The following MARCHF7 variants were observed in gnomAD, a reference collection of about 807,000 sequenced individuals.
The protein encoded by MARCHF7 is membrane associated ring-CH-type finger 7, also known as E3 ubiquitin-protein ligase MARCHF7.
A neutral mutation model predicts 76.5 loss-of-function variants in MARCHF7; 20 were observed. The observed-to-expected ratio is 0.26, with a 90% CI of 0.18 to 0.38. MARCHF7 has a LOEUF of 0.38. Ranked by LOEUF, MARCHF7 falls within the 10% of genes least tolerant of loss-of-function variation. The probability of loss-of-function intolerance (pLI) is 1.00; values close to 1 mark genes in which losing one functional copy is unlikely to be tolerated. For missense variants in MARCHF7, 797 were observed against 812.9 expected, an observed-to-expected ratio of 0.98 and a Z score of 0.24; for synonymous variants, 295 against 293.0, an observed-to-expected ratio of 1.01 and a Z score of -0.07.
At chr2:159,725,720 T>A (rs936757419) in intron 3 of MARCHF7, among the ~76,000 whole-genome samples, 2 of 152,198 alleles carry the variant, frequency 1.3e-5, no homozygotes, top group African/African-American at 4.8e-5. Flanking sequence ...TTATTGTTGT[T>A]TACTTTGGTC....
At chr2:159,745,053 C>T (rs1410348654) in intron 5 of MARCHF7, among the ~76,000 whole-genome samples, 2 of 152,246 alleles carry the variant, frequency 1.3e-5, no homozygotes, top group East Asian at 1.9e-4. Flanking sequence ...CTTCCCTTTC[C>T]GGATGCCTTT....
At chr2:159,731,773 C>G (rs936065522) in intron 4 of MARCHF7, among the ~76,000 whole-genome samples, 2 of 150,954 alleles carry the variant, frequency 1.3e-5, no homozygotes, top group Admixed American at 1.3e-4. Context: ...AATTCCATTT[C>G]TTATTATGTT....
Position 159,748,429 on chromosome 2 carries a change from G to A in MARCHF7, c.1139G>A (p.Arg380Lys). 1 of 1,614,154 alleles carries A rather than the reference G, an allele frequency of 6.2e-7. No homozygotes were observed. Among genetic ancestry groups the A allele is most frequent in the Non-Finnish European group, 8.5e-7 (1 of 1,180,032 alleles). Residue 380 changes from arginine (R) to lysine (K), a missense_variant, in exon 7 of 12, where the codon AGA (arginine) becomes AAA (lysine). This residue lies in a region of MARCHF7 where 643 missense variants were observed against 631.5 expected (regional missense o/e 1.02). Transcript: ENST00000409175. ...SENFNQESEGRNTGPWLSSSL... is the reference protein window; with the variant it reads ...SENFNQESEGKNTGPWLSSSL... ...AATTTTAACCAAGAATCTGAAGGTA[G>A]AAATACAGGACCATGGTTATCTTCC...
At chr2:159,734,469 A>G (rs1703213106) in intron 4 of MARCHF7, among the ~76,000 whole-genome samples, 1 of 152,198 alleles carries the variant, frequency 6.6e-6, no homozygotes, top group Non-Finnish European at 1.5e-5. Flanking sequence ...TGCATATACA[A>G]TTAAACAAGA....
intron 3 of MARCHF7, among the ~76,000 whole-genome samples, chr2:159,727,296 AGCTTTTTAAG>A (rs1394248005): frequency 5.9e-5 from 9 of 152,352 alleles, no homozygotes; most frequent in Admixed American, 2.0e-4. Context: ...ATATTTTAAA[AGCTTTTTAAG>A]GCTGGGCACG....
chr2:159,720,865 C>T (rs1035656769), intron 3 of MARCHF7, among the ~76,000 whole-genome samples: 7 of 152,020 alleles, frequency 4.6e-5, no homozygotes, highest in South Asian at 2.1e-4. Flanking sequence ...TAACTCTTTC[C>T]GCAACCGCTC....
At chr2:159,726,738 A>G (rs192838682) in intron 3 of MARCHF7, among the ~76,000 whole-genome samples, 38 of 152,272 alleles carry the variant, frequency 2.5e-4, no homozygotes, top group African/African-American at 8.7e-4. Flanking sequence ...CATCACTATC[A>G]TCTATCTCCA....
intron 3 of MARCHF7, among the ~76,000 whole-genome samples, chr2:159,725,384 G>A (rs1189125417): frequency 6.6e-6 from 1 of 152,210 alleles, no homozygotes. Flanking sequence ...TCTAACTGGT[G>A]TGAGATGGTG....
chr2:159,718,104 T>C (rs1449875944), intron 3 of MARCHF7, among the ~76,000 whole-genome samples: 1 of 152,214 alleles, frequency 6.6e-6, no homozygotes, highest in Non-Finnish European at 1.5e-5. Context: ...AATATACCTG[T>C]GAAGTTGATA....
chr2:159,752,776 C>T (rs1287290586), intron 8 of MARCHF7, among the ~76,000 whole-genome samples: 1 of 152,298 alleles, frequency 6.6e-6, no homozygotes, highest in African/African-American at 2.4e-5. Context: ...TCCTACCAAA[C>T]TGTTTACTAC....
intron 6 of MARCHF7, among the ~76,000 whole-genome samples, chr2:159,747,395 C>T (rs1206616740): frequency 6.6e-6 from 1 of 151,826 alleles, no homozygotes; most frequent in African/African-American, 2.4e-5. Context: ...AACAGTCTCC[C>T]TAGGATGGAT....
intron 11 of MARCHF7, among the ~76,000 whole-genome samples, chr2:159,765,571 A>G (rs1019016553): frequency 1.3e-5 from 2 of 152,166 alleles, no homozygotes; most frequent in African/African-American, 2.4e-5. Flanking sequence ...GAATACTTCT[A>G]TACTCATCTT....
intron 3 of MARCHF7, among the ~76,000 whole-genome samples, chr2:159,722,383 C>T (rs1405355194): frequency 6.6e-6 from 1 of 152,176 alleles, no homozygotes; most frequent in Non-Finnish European, 1.5e-5. Flanking sequence ...AGTGATCCAC[C>T]TCGGCCTCCC....
intron 5 of MARCHF7, among the ~76,000 whole-genome samples, 160 bp downstream of exon 5, chr2:159,743,413 A>G (rs2125552153): frequency 6.6e-6 from 1 of 152,318 alleles, no homozygotes. Context: ...GCTAGAACTG[A>G]TACTCTTCTG....
chr2:159,737,176 T>TA (rs1703558022), intron 4 of MARCHF7, among the ~76,000 whole-genome samples: 1 of 152,164 alleles, frequency 6.6e-6, no homozygotes, highest in Admixed American at 6.6e-5. Context: ...AAAAGATTGA[T>TA]TAGTTTTCAT....
intron 7 of MARCHF7, among the ~76,000 whole-genome samples, chr2:159,749,773 G>A (rs1705400563): frequency 1.3e-5 from 2 of 151,990 alleles, no homozygotes; most frequent in Admixed American, 6.6e-5. Flanking sequence ...AGAAAGTAAA[G>A]GTTATTTTAA....
chr2:159,723,748 T>C (rs1260841425), intron 3 of MARCHF7, among the ~76,000 whole-genome samples: 2 of 152,206 alleles, frequency 1.3e-5, no homozygotes, highest in African/African-American at 4.8e-5. Flanking sequence ...ATAACAATCA[T>C]GCCTTTCATG....
chr2:159,713,296 C>T (rs1301730772), intron 1 of MARCHF7, among the ~76,000 whole-genome samples: 1 of 152,174 alleles, frequency 6.6e-6, no homozygotes, highest in African/African-American at 2.4e-5. Context: ...AGGAAACTCC[C>T]TCATTTTGGT....
intron 8 of MARCHF7, among the ~76,000 whole-genome samples, chr2:159,756,687 CAAAAAAAAAAAAAAAAAA>C (rs869261420): frequency 3.1e-5 from 2 of 64,238 alleles, no homozygotes; most frequent in South Asian, 8.3e-4. Context: ...CACTCAGTCT[CAAAAAAAAAAAAAAAAAA>C]AAAAAAAAAC....
Sources: gnomAD v4.1 joint callset for allele counts (sites outside exome capture counted in the v4.1 genomes callset) on GRCh38, gnomAD v4.1.1 for gene constraint, gnomAD v4.1.1 regional missense constraint, MANE v1.5 for transcripts, NCBI Gene and HGNC (gene_info 2026-07-23, HGNC 2026-07-21) for gene names.